C11orf42: variants seen among roughly 807,000 people sequenced by gnomAD.
The protein encoded by C11orf42 is chromosome 11 open reading frame 42.
C11orf42 carries 24 observed loss-of-function variants against 27.9 expected under a neutral mutation model. The ratio of observed to expected loss-of-function variants is 0.86; its 90% CI spans 0.62 to 1.21. The LOEUF (loss-of-function observed/expected upper bound fraction) is 1.21, where lower values mean the gene tolerates loss of function less well. C11orf42 is among the 50% of genes most tolerant of loss of function. The pLI is 0.00. For synonymous variants in C11orf42, 187 were observed against 180.8 expected (o/e 1.03, Z -0.28); for missense variants, 455 against 424.1 (o/e 1.07, Z -0.64).
chr11:6,205,746 G>A (rs75265731), intron 1 of C11orf42, 59 bp downstream of exon 1: 1,024 of 1,404,146 alleles, frequency 7.3e-4, no homozygotes, highest in Non-Finnish European at 9.6e-4. Flanking sequence ...ATGGGTCTCA[G>A]CAGCTTGTGA....
In C11orf42 at chr11:6,210,075, T is replaced by C; in HGVS notation, c.298T>C (p.Tyr100His). The change falls in exon 2 of 3, where the codon TAC (tyrosine) becomes CAC (histidine). Residue 100 changes from tyrosine (Y) to histidine (H), a missense_variant. Coordinates refer to ENST00000316375, the MANE Select transcript of C11orf42 (RefSeq NM_173525.3). This position sits in a 1 kb window ranked among gnomAD's most constrained non-coding sequence, Gnocchi z 4.0. Reference sequence around the variant, plus strand: ...TGCCTTCGCCCACTGCACTCGGGAATACTCACCAAATGGCCGAGCAGAGAG... The same window carrying C: ...TGCCTTCGCCCACTGCACTCGGGAACACTCACCAAATGGCCGAGCAGAGAG... ...EGAFAHCTRE[Y>H]SPNGRAERAY... 6.2e-7 allele frequency: 1 copy of C among 1,614,232 alleles called. No homozygotes were observed. The highest frequency in any genetic ancestry group is 8.5e-7 in the Non-Finnish European group (1 of 1,180,046).
chr11:6,208,598 T>C lies in C11orf42; in HGVS notation c.73-1252T>C, dbSNP rs569977456. ...TGTGCCACCACACCCAGCTAATTTT[T>C]CTATTTTTAGTAGAGACAGGGTTTC... On this transcript the variant is annotated intron_variant, in intron 1 of 2. Coordinates refer to ENST00000316375, the MANE Select transcript of C11orf42 (RefSeq NM_173525.3). 1.4e-4 allele frequency among the ~76,000 whole-genome samples: 21 copies of C among 152,262 alleles called. No individual in the cohort carries two copies. In the East Asian group the frequency reaches 3.9e-3, roughly 28 times the overall value.
chr11:6,205,908 G>C (rs1289866457), intron 1 of C11orf42, among the ~76,000 whole-genome samples: 1 of 152,124 alleles, frequency 6.6e-6, no homozygotes, highest in Non-Finnish European at 1.5e-5. Flanking sequence ...GAAAAGCAAC[G>C]TATAGGGAAT....
Position 6,209,994 on chromosome 11 carries a change from G to A in C11orf42, c.217G>A (p.Ala73Thr), listed in dbSNP as rs201368184. The A allele has an allele frequency of 2.3e-4, 374 of 1,614,034 alleles. 2 individuals are homozygous for A. In the East Asian group the frequency reaches 7.9e-3, roughly 34 times the overall value. Residue 73 changes from alanine to threonine, a missense_variant, in exon 2 of 3, where the codon GCA (alanine) becomes ACA (threonine). Coordinates refer to ENST00000316375, the MANE Select transcript of C11orf42 (RefSeq NM_173525.3). ...LALPGRQGRR[A>T]LKPVGPLPSL... is the part of the protein sequence containing the mutation. ...TTTGCCAGGTCGGCAGGGCCGGAGG[G>A]CACTGAAACCAGTGGGGCCACTACC...
chr11:6,206,315 C>CTGTG (rs1458122979), intron 1 of C11orf42, among the ~76,000 whole-genome samples: 1 of 152,174 alleles, frequency 6.6e-6, no homozygotes, highest in African/African-American at 2.4e-5. Flanking sequence ...GAAACTCTTT[C>CTGTG]ACAGATCTCC....
At position 6,210,198 on chromosome 11, in the gene C11orf42, C is replaced by G. The variant is rs748703048; in HGVS notation, c.421C>G (p.Pro141Ala). The change falls in exon 2 of 3, where the codon CCA (proline) becomes GCA (alanine). Residue 141 changes from proline (P) to alanine (A), a missense_variant. Coordinates refer to ENST00000316375, the MANE Select transcript of C11orf42 (RefSeq NM_173525.3). The surrounding 1 kb of genome is among the most constrained non-coding windows in gnomAD (Gnocchi z 4.0). The part of the protein sequence containing the change: ...RKKVAFLLLP[P>A]GQVSLQQTLP... ...GAAGGTTGCCTTCCTGTTGCTGCCA[C>G]CAGGGCAGGTGAGCCTACAGCAGAC... 6 of 1,614,114 alleles carry G rather than the reference C, an allele frequency of 3.7e-6. No individual in the cohort carries two copies. The East Asian group carries it at 1.3e-4, about 36-fold the overall frequency.
At chr11:6,206,078 G>C (rs1395334745) in intron 1 of C11orf42, among the ~76,000 whole-genome samples, 3 of 152,148 alleles carry the variant, frequency 2.0e-5, no homozygotes, top group Admixed American at 1.3e-4. Flanking sequence ...GAATTAATGA[G>C]CATGGGAGGG....
At chr11:6,208,207 AAC>A (rs1397282172) in intron 1 of C11orf42, among the ~76,000 whole-genome samples, 96 of 151,816 alleles carry the variant, frequency 6.3e-4, no homozygotes, top group African/African-American at 2.3e-3. Context: ...CAAACAAACA[AAC>A]CACACACACA....
rs75473247 is a variant in C11orf42 at position 6,206,961 on chromosome 11, G to A, written c.72+1274G>A. Among the ~76,000 whole-genome samples the A allele has an allele frequency of 6.2e-3, 938 of 152,268 alleles. 11 individuals carry two copies. Among genetic ancestry groups the A allele is most frequent in the African/African-American group, 0.021 (874 of 41,548 alleles). On this transcript the variant is annotated intron_variant, in intron 1 of 2. Coordinates refer to ENST00000316375, the MANE Select transcript of C11orf42 (RefSeq NM_173525.3). ...CCTGGTTTCCTGTGTCCAAAACCACGGACAGTTTACTGAACATATGGTAAA... is the reference window on the plus strand; with the variant it reads ...CCTGGTTTCCTGTGTCCAAAACCACAGACAGTTTACTGAACATATGGTAAA...
At chr11:6,209,731 G>C in intron 1 of C11orf42, 119 bp from the exon 2 acceptor site, 1 of 1,019,776 alleles carries the variant, frequency 9.8e-7, no homozygotes, top group Non-Finnish European at 1.4e-6. Flanking sequence ...TAAGCAGAAA[G>C]CATAAATCTG....
In C11orf42 at chr11:6,210,676, T is replaced by G. The variant is rs199897670; in HGVS notation, c.871+28T>G. The G allele has an allele frequency of 6.2e-7, 1 of 1,602,636 alleles. No individual in the cohort carries two copies. The highest frequency in any genetic ancestry group is 8.5e-7 in the Non-Finnish European group (1 of 1,173,038). On this transcript the variant is annotated intron_variant, in intron 2 of 2. Coordinates refer to ENST00000316375, the MANE Select transcript of C11orf42 (RefSeq NM_173525.3). This position sits in a 1 kb window ranked among gnomAD's most constrained non-coding sequence, Gnocchi z 4.0. ...ACTACTAGGGGAAATGATGATGAGA[T>G]GGATGGGAGGGACAAAGTGAAGGAG...
At chr11:6,207,864 C>T (rs1846995966) in intron 1 of C11orf42, among the ~76,000 whole-genome samples, 2 of 152,122 alleles carry the variant, frequency 1.3e-5, no homozygotes, top group African/African-American at 4.8e-5. Flanking sequence ...CCTTAAGGAG[C>T]CACTGGTGAA....
At chr11:6,209,712 G>C in intron 1 of C11orf42, 138 bp from the exon 2 acceptor site, 5 of 817,750 alleles carry the variant, frequency 6.1e-6, no homozygotes, top group Non-Finnish European at 9.7e-6. Context: ...CTGCCGGAGA[G>C]CTGGGAGGTA....
Position 6,210,540 on chromosome 11 carries a change from G to A in C11orf42, c.763G>A (p.Val255Ile). The change falls in exon 2 of 3, where the codon GTC (valine) becomes ATC (isoleucine). Residue 255 changes from valine (V) to isoleucine (I), a missense_variant. Val to Ile is a conservative substitution (Grantham distance 29). Coordinates refer to ENST00000316375, the MANE Select transcript of C11orf42 (RefSeq NM_173525.3). This position sits in a 1 kb window ranked among gnomAD's most constrained non-coding sequence, Gnocchi z 4.0. The stretch of plus-strand genomic sequence containing the variant: ...TGAAGCTGCTGATGTGCCCCCACCT[G>A]TCCCAGCCCCACCTACGCCACCTCC... ...TTEAADVPPPVPAPPTPPPQE... is the reference protein window; with the variant it reads ...TTEAADVPPPIPAPPTPPPQE... 6.2e-7 allele frequency: 1 copy of A among 1,613,704 alleles called. No individual in the cohort carries two copies.
rs755451536 is a variant in C11orf42, at chr11:6,210,177, G to C, written c.400G>C (p.Val134Leu). ...RLHMGDLRKK[V>L]AFLLLPPGQV... ...ACATATGGGTGACCTGCGCAAGAAG[G>C]TTGCCTTCCTGTTGCTGCCACCAGG... Residue 134 changes from valine (V) to leucine (L), a missense_variant, in exon 2 of 3, where the codon GTT becomes CTT. Transcript: ENST00000316375. This position sits in a 1 kb window ranked among gnomAD's most constrained non-coding sequence, Gnocchi z 4.0. 6.2e-7 allele frequency: 1 copy of C among 1,614,092 alleles called. No homozygotes were observed. Among genetic ancestry groups the C allele is most frequent in the Non-Finnish European group, 8.5e-7 (1 of 1,180,040 alleles).
In C11orf42 at chr11:6,209,951, AGCCCATACCCG is replaced by A. The variant is rs1331883671; in HGVS notation, c.175_185del (p.Ala59ProfsTer28). The A allele has an allele frequency of 2.5e-6, 4 of 1,612,630 alleles. No individual in the cohort carries two copies. Among genetic ancestry groups the A allele is most frequent in the Middle Eastern group, 3.3e-4 (2 of 6,074 alleles). On this transcript the variant is annotated frameshift_variant, in exon 2 of 3. Coordinates refer to ENST00000316375, the MANE Select transcript of C11orf42 (RefSeq NM_173525.3). LOFTEE classifies it high-confidence loss of function. Reference sequence around the variant, plus strand: ...GTGTGCTGGTAAAACAGTCCCGCCCAGCCCATACCCGCCTGGCTTTGCCAGGTCGGCAGGGC... The same window carrying A: ...GTGTGCTGGTAAAACAGTCCCGCCCACCTGGCTTTGCCAGGTCGGCAGGGC...
intron 1 of C11orf42, among the ~76,000 whole-genome samples, chr11:6,206,396 A>C (rs1356970610): frequency 6.6e-6 from 1 of 152,194 alleles, no homozygotes; most frequent in Middle Eastern, 3.2e-3. Context: ...GGAGCAGGAC[A>C]ATCTCAGCTG....
At chr11:6,208,141 AT>A (rs1847000428) in intron 1 of C11orf42, among the ~76,000 whole-genome samples, 1 of 152,154 alleles carries the variant, frequency 6.6e-6, no homozygotes, top group Non-Finnish European at 1.5e-5. Flanking sequence ...TAGTCATGAA[AT>A]AAACTTTCCA....
Position 6,210,015 on chromosome 11 carries a change from C to A in C11orf42, c.238C>A (p.Leu80Ile), listed in dbSNP as rs368829888. Reference protein sequence around the residue: ...GRRALKPVGPLPSLLEQAGSE... With the variant: ...GRRALKPVGPIPSLLEQAGSE... ...GAGGGCACTGAAACCAGTGGGGCCACTACCAAGCCTCCTGGAGCAGGCAGG... is the reference window on the plus strand; with the variant it reads ...GAGGGCACTGAAACCAGTGGGGCCAATACCAAGCCTCCTGGAGCAGGCAGG... Residue 80 changes from leucine (L) to isoleucine (I), a missense_variant, in exon 2 of 3, where the codon CTA (leucine) becomes ATA (isoleucine). Physicochemically the swap from Leu to Ile is conservative, Grantham distance 5 (BLOSUM62 2). Transcript: ENST00000316375. This position sits in a 1 kb window ranked among gnomAD's most constrained non-coding sequence, Gnocchi z 4.0. 6.2e-7 allele frequency: 1 copy of A among 1,614,116 alleles called. No homozygotes were observed. Among genetic ancestry groups the A allele is most frequent in the Non-Finnish European group, 8.5e-7 (1 of 1,180,036 alleles).
Sources: allele counts gnomAD v4.1 joint callset (sites outside exome capture counted in the v4.1 genomes callset), GRCh38; gene constraint gnomAD v4.1.1; non-coding constraint Gnocchi (gnomAD v3.1); transcripts MANE v1.5; gene names NCBI Gene and HGNC (gene_info 2026-07-23, HGNC 2026-07-21).